LMO7: variants seen among roughly 807,000 people sequenced by gnomAD.
LMO7 encodes LIM domain only protein 7.
A neutral mutation model predicts 206.5 loss-of-function variants in LMO7; 120 were observed. The ratio of observed to expected loss-of-function variants is 0.58; its 90% confidence interval spans 0.50 to 0.68. The LOEUF is 0.68. Among genes scored for constraint, LMO7 ranks in the 30% least tolerant of loss-of-function variants. The pLI is 0.00. For missense variants in LMO7, 1,959 were observed against 1,957.9 expected, an observed-to-expected ratio of 1.00 and a Z score of -0.01; for synonymous variants, 706 against 681.5, an observed-to-expected ratio of 1.04 and a Z score of -0.56.
intron 2 of LMO7, among the ~76,000 whole-genome samples, chr13:75,721,557 T>G: frequency 6.6e-6 from 1 of 152,152 alleles, no homozygotes; most frequent in East Asian, 1.9e-4. Context: ...ATTGTTTTGT[T>G]TAACAAAATT....
At chr13:75,685,450 TA>T (rs2040890304) in intron 1 of LMO7, among the ~76,000 whole-genome samples, 1 of 152,150 alleles carries the variant, frequency 6.6e-6, no homozygotes, top group African/African-American at 2.4e-5. Flanking sequence ...AGAGACCAAT[TA>T]AAAGATGAAA....
At chr13:75,655,093 A>G (rs1196021143) in intron 1 of LMO7, among the ~76,000 whole-genome samples, 1 of 151,864 alleles carries the variant, frequency 6.6e-6, no homozygotes, top group African/African-American at 2.4e-5. Flanking sequence ...CTGGTCTCGA[A>G]CTCCTGACCT....
At chr13:75,655,638 TA>T (rs1395491084) in intron 1 of LMO7, among the ~76,000 whole-genome samples, 1 of 160 alleles carries the variant, frequency 6.3e-3, no homozygotes, top group Non-Finnish European at 0.014. Flanking sequence ...TCATGGATTT[TA>T]TATATATATA....
chr13:75,792,679 C>G (rs1409007419), intron 4 of LMO7, among the ~76,000 whole-genome samples: 3 of 152,154 alleles, frequency 2.0e-5, no homozygotes, highest in Non-Finnish European at 4.4e-5. Context: ...TGCTTGGTTA[C>G]CGACTTCCAT....
chr13:75,683,265 T>G (rs1319410449), intron 1 of LMO7, among the ~76,000 whole-genome samples: 2 of 152,166 alleles, frequency 1.3e-5, no homozygotes, highest in Non-Finnish European at 2.9e-5. Flanking sequence ...ATTGTGCTTG[T>G]GGTTCATATC....
chr13:75,624,577 G>C (rs1807361497), intron 2 of LMO7, among the ~76,000 whole-genome samples: 1 of 152,166 alleles, frequency 6.6e-6, no homozygotes, highest in Non-Finnish European at 1.5e-5. Flanking sequence ...CTGAGACTGG[G>C]CAATTTATAA....
chr13:75,769,449 A>T (rs1468604253), intron 4 of LMO7, among the ~76,000 whole-genome samples: 2 of 152,074 alleles, frequency 1.3e-5, no homozygotes, highest in African/African-American at 2.4e-5. Flanking sequence ...CTAAGAAAAC[A>T]TGTTCCCAAA....
intron 4 of LMO7, among the ~76,000 whole-genome samples, chr13:75,790,193 G>T (rs1324007838): frequency 1.3e-5 from 2 of 152,122 alleles, no homozygotes; most frequent in Admixed American, 6.5e-5. Flanking sequence ...TGTGTTGGGG[G>T]TGGAGGGGGC....
intron 3 of LMO7, among the ~76,000 whole-genome samples, chr13:75,758,885 G>A (rs2047909771): frequency 6.6e-6 from 1 of 152,134 alleles, no homozygotes; most frequent in African/African-American, 2.4e-5. Context: ...CTAATGGTTT[G>A]TTTTTCCTTT....
chr13:75,819,095 TCTAA>T (rs150157264), intron 12 of LMO7, among the ~76,000 whole-genome samples: 112 of 152,354 alleles, frequency 7.4e-4, no homozygotes, highest in African/African-American at 2.5e-3. Context: ...TCCTGATCTA[TCTAA>T]CTGTCACCTA....
intron 1 of LMO7, among the ~76,000 whole-genome samples, chr13:75,653,645 A>G (rs1034554504): frequency 1.3e-5 from 2 of 152,238 alleles, no homozygotes; most frequent in Non-Finnish European, 2.9e-5. Context: ...TGGAGGGAAG[A>G]AATGCTGAGT....
chr13:75,773,000 A>G (rs766996725), intron 4 of LMO7, among the ~76,000 whole-genome samples: 2 of 152,112 alleles, frequency 1.3e-5, no homozygotes, highest in African/African-American at 2.4e-5. Context: ...AAAAAAAGTG[A>G]TCACATGATG....
chr13:75,823,772 G>C lies in LMO7; in HGVS notation c.2848G>C (p.Ala950Pro). The change falls in exon 15 of 31, where the codon GCC (alanine) becomes CCC (proline). Residue 950 changes from alanine to proline, a missense_variant. Physicochemically the swap from Ala to Pro is conservative, Grantham distance 27. Transcript: ENST00000377534. Reference protein sequence around the residue: ...PFSSLSQDQAATSKATLSSTS... With the variant: ...PFSSLSQDQAPTSKATLSSTS... ...CTCATCTCTTTCCCAAGACCAGGCTGCCACTTCTAAAGCCACATTGTCTTC... is the reference window on the plus strand; with the variant it reads ...CTCATCTCTTTCCCAAGACCAGGCTCCCACTTCTAAAGCCACATTGTCTTC... 6.2e-7 allele frequency: 1 copy of C among 1,614,044 alleles called. No homozygotes were observed. The highest frequency in any genetic ancestry group is 8.5e-7 in the Non-Finnish European group (1 of 1,179,954).
chr13:75,847,941 A>G (rs1032218383), intron 26 of LMO7, among the ~76,000 whole-genome samples: 13 of 150,972 alleles, frequency 8.6e-5, no homozygotes, highest in Admixed American at 6.7e-4. Context: ...CTGCACTGCC[A>G]TGGGCGATTT....
At chr13:75,708,960 A>G (rs1021276561) in intron 1 of LMO7, among the ~76,000 whole-genome samples, 8 of 148,406 alleles carry the variant, frequency 5.4e-5, no homozygotes, top group Non-Finnish European at 3.0e-5. Flanking sequence ...CCCCCACCCC[A>G]CAACAGGCCC....
rs1566637781 is a variant in LMO7 at position 75,858,054 on chromosome 13, A to G, written c.*111A>G. On this transcript the variant is annotated 3_prime_UTR_variant, in exon 31 of 31. Transcript: ENST00000377534. ...CTTTTTTGCTTTTTTTTTAAAAAAA[A>G]GAATAACTTTTTTTGCCTCTTTAGA... 2 of 1,346,474 alleles carry G rather than the reference A, an allele frequency of 1.5e-6. No individual in the cohort carries two copies. The highest frequency in any genetic ancestry group is 2.1e-6 in the Non-Finnish European group (2 of 968,590). The allele number at this position is 1,346,474 out of a possible 1,614,324, so 83.4% of individuals were successfully genotyped here. A position where few individuals can be genotyped will look rare whatever the true frequency, so the allele number is the denominator to read the frequency against.
intron 1 of LMO7, among the ~76,000 whole-genome samples, chr13:75,654,935 G>A (rs181476048): frequency 1.4e-5 from 2 of 145,596 alleles, no homozygotes; most frequent in African/African-American, 2.5e-5. Context: ...GCAGTGGTAC[G>A]ATCTCGGCTC....
At chr13:75,790,546 T>A (rs1030217347) in intron 4 of LMO7, among the ~76,000 whole-genome samples, 5 of 152,170 alleles carry the variant, frequency 3.3e-5, no homozygotes, top group African/African-American at 9.7e-5. Flanking sequence ...CTATGTAGAC[T>A]TTTTTACCCA....
Position 75,812,795 on chromosome 13 carries a change from G to A in LMO7, c.1946+3612G>A, listed in dbSNP as rs190407677. On this transcript the variant is annotated intron_variant, in intron 11 of 30. Coordinates refer to ENST00000377534, the MANE Select transcript of LMO7 (RefSeq NM_001306080.2). ...TGTATTTTTTGGAAAAAATCCAGTT[G>A]CAGTTCTAAATTGGAGCCTTTCCAA... 1.5e-4 allele frequency among the ~76,000 whole-genome samples: 23 copies of A among 151,226 alleles called. 1 individual carries two copies. In the East Asian group the frequency reaches 4.4e-3, roughly 29 times the overall value.
Sources: gnomAD v4.1 joint callset for allele counts (sites outside exome capture counted in the v4.1 genomes callset) on GRCh38, gnomAD v4.1.1 for gene constraint, MANE v1.5 for transcripts, NCBI Gene and HGNC (gene_info 2026-07-23, HGNC 2026-07-21) for gene names.